The following ZNF804B variants were observed in gnomAD, a reference collection of about 807,000 sequenced individuals.
The protein encoded by ZNF804B is zinc finger 804B.
ZNF804B carries 80 observed loss-of-function variants against 101.4 expected under a neutral mutation model. The observed-to-expected ratio is 0.79, with a 90% CI of 0.66 to 0.95. The LOEUF (loss-of-function observed/expected upper bound fraction) is 0.95, where lower values mean the gene tolerates loss of function less well. Among genes scored for constraint, ZNF804B ranks in the 40% least tolerant of loss-of-function variants. The pLI is 0.00. For synonymous variants in ZNF804B, 622 were observed against 558.8 expected, an observed-to-expected ratio of 1.11 and a Z score of -1.59; for missense variants, 1,673 against 1,561.9, an observed-to-expected ratio of 1.07 and a Z score of -1.20.
intron 1 of ZNF804B, among the ~76,000 whole-genome samples, chr7:89,008,718 C>G (rs989952777): frequency 2.6e-5 from 4 of 152,082 alleles, no homozygotes; most frequent in Non-Finnish European, 4.4e-5. Flanking sequence ...GGCATGATAT[C>G]CCGCCTTTAT....
intron 1 of ZNF804B, among the ~76,000 whole-genome samples, chr7:88,772,425 C>A (rs1002768634): frequency 6.6e-6 from 1 of 152,106 alleles, no homozygotes; most frequent in Non-Finnish European, 1.5e-5. Context: ...CAGGGCAAAC[C>A]GGTCTTCCAC....
intron 2 of ZNF804B, among the ~76,000 whole-genome samples, chr7:89,299,602 C>T (rs970396469): frequency 3.3e-5 from 5 of 152,036 alleles, no homozygotes; most frequent in Admixed American, 1.3e-4. Flanking sequence ...CAAAACTCAG[C>T]TGGCTTATTC....
chr7:89,153,580 T>A (rs1255871274), intron 1 of ZNF804B, among the ~76,000 whole-genome samples: 1 of 152,062 alleles, frequency 6.6e-6, no homozygotes, highest in African/African-American at 2.4e-5. Context: ...GGTTTTTCAC[T>A]ACTAGCAATA....
chr7:89,254,681 T>C (rs1172019729), intron 2 of ZNF804B, among the ~76,000 whole-genome samples: 1 of 151,546 alleles, frequency 6.6e-6, no homozygotes, highest in Non-Finnish European at 1.5e-5. Context: ...AATCTCACTC[T>C]GGGGCCCAGG....
At chr7:89,325,012 A>G (rs1790877932) in intron 2 of ZNF804B, among the ~76,000 whole-genome samples, 1 of 151,338 alleles carries the variant, frequency 6.6e-6, no homozygotes, top group Admixed American at 6.6e-5. Context: ...TATCTATTCA[A>G]TATCCTGTCA....
intron 1 of ZNF804B, among the ~76,000 whole-genome samples, chr7:88,856,914 G>T (rs916917678): frequency 2.8e-4 from 42 of 152,252 alleles, no homozygotes; most frequent in African/African-American, 1.0e-3. Context: ...TACGTTTATT[G>T]ATTTGTGTAT....
At chr7:89,151,400 T>C (rs1399280839) in intron 1 of ZNF804B, among the ~76,000 whole-genome samples, 1 of 152,088 alleles carries the variant, frequency 6.6e-6, no homozygotes, top group Non-Finnish European at 1.5e-5. Flanking sequence ...CCCATATGAT[T>C]TTGAGACATA....
At chr7:89,082,844 T>G (rs1379991729) in intron 1 of ZNF804B, among the ~76,000 whole-genome samples, 1 of 151,722 alleles carries the variant, frequency 6.6e-6, no homozygotes, top group Admixed American at 6.6e-5. Flanking sequence ...TCTTCTGGGG[T>G]GCAAAGGAAA....
chr7:89,002,365 C>A (rs974460254), intron 1 of ZNF804B, among the ~76,000 whole-genome samples: 1 of 151,676 alleles, frequency 6.6e-6, no homozygotes, highest in Non-Finnish European at 1.5e-5. Flanking sequence ...AAACCTAATC[C>A]TTTAAACCTC....
At chr7:89,136,714 G>C (rs1043680887) in intron 1 of ZNF804B, among the ~76,000 whole-genome samples, 1 of 148,834 alleles carries the variant, frequency 6.7e-6, no homozygotes, top group Non-Finnish European at 1.5e-5. Flanking sequence ...TTTTAAGGCT[G>C]AATTATATTT....
chr7:89,134,918 C>T (rs1344907520), intron 1 of ZNF804B, among the ~76,000 whole-genome samples: 1 of 151,762 alleles, frequency 6.6e-6, no homozygotes, highest in Non-Finnish European at 1.5e-5. Flanking sequence ...GGTAATGTGC[C>T]TGTTATTTTT....
rs397791531 is a variant in ZNF804B at position 89,309,759 on chromosome 7, C to CAAAAAAAAAAA, written c.250-17557_250-17547dup. On this transcript the variant is annotated intron_variant, in intron 2 of 3. Transcript: ENST00000333190. ...TGGGCTACAGAGTGAGACCCTGTCT[C>CAAAAAAAAAAA]AAAAAAAAAAAAAAAAAAAAAAAAA... is the stretch of plus-strand genomic sequence containing the variant. Among the ~76,000 whole-genome samples the CAAAAAAAAAAA allele has an allele frequency of 2.1e-4, 15 of 70,796 alleles. 2 individuals carry two copies. Among genetic ancestry groups the CAAAAAAAAAAA allele is most frequent in the African/African-American group, 3.8e-4 (6 of 15,670 alleles). 46.4% of individuals were successfully genotyped at this position (70,796 alleles called of 152,430 possible).
intron 1 of ZNF804B, among the ~76,000 whole-genome samples, chr7:88,798,208 A>G (rs1790521343): frequency 6.6e-6 from 1 of 152,062 alleles, no homozygotes; most frequent in South Asian, 2.1e-4. Flanking sequence ...TCCTATCAAA[A>G]GAAGCTTAGT....
intron 1 of ZNF804B, among the ~76,000 whole-genome samples, chr7:88,986,403 A>G (rs1793760281): frequency 6.6e-6 from 1 of 152,132 alleles, no homozygotes; most frequent in Non-Finnish European, 1.5e-5. Flanking sequence ...CCAGAGAAGC[A>G]AAACTGAATA....
chr7:88,850,008 T>A (rs1791429927), intron 1 of ZNF804B, among the ~76,000 whole-genome samples: 2 of 152,090 alleles, frequency 1.3e-5, no homozygotes, highest in South Asian at 4.1e-4. Context: ...AAGACTTTTT[T>A]CCACAAGCCC....
At chr7:88,878,134 G>C (rs1791979356) in intron 1 of ZNF804B, among the ~76,000 whole-genome samples, 1 of 152,082 alleles carries the variant, frequency 6.6e-6, no homozygotes, top group Non-Finnish European at 1.5e-5. Context: ...TCTAACTTAA[G>C]ATAACTCATT....
intron 1 of ZNF804B, among the ~76,000 whole-genome samples, chr7:88,967,210 G>A (rs1793468021): frequency 6.8e-6 from 1 of 147,078 alleles, no homozygotes; most frequent in African/African-American, 2.5e-5. Flanking sequence ...TTGACTCACA[G>A]TTCCACAGGC....
At chr7:89,297,497 G>A (rs888828901) in intron 2 of ZNF804B, among the ~76,000 whole-genome samples, 1 of 152,024 alleles carries the variant, frequency 6.6e-6, no homozygotes, top group Non-Finnish European at 1.5e-5. Context: ...AGCCTATGTT[G>A]CTATATCTAT....
rs559649685 is a variant in ZNF804B, at chr7:89,265,463, CAT to C, written c.249+47170_249+47171del. On this transcript the variant is annotated intron_variant, in intron 2 of 3. Transcript: ENST00000333190. ...TAATAGAACTCCATAATTTAATTTG[CAT>C]AGAGGGAAGTTTGTAGTTGATGAGA... 3.8e-3 allele frequency among the ~76,000 whole-genome samples: 574 copies of C among 152,236 alleles called. 7 individuals carry two copies. Among genetic ancestry groups the C allele is most frequent in the South Asian group, 8.3e-3 (40 of 4,824 alleles).
Sources: gnomAD v4.1 joint callset for allele counts (sites outside exome capture counted in the v4.1 genomes callset) on GRCh38, gnomAD v4.1.1 for gene constraint, MANE v1.5 for transcripts, NCBI Gene and HGNC (gene_info 2026-07-23, HGNC 2026-07-21) for gene names.